SLC25A47: variants seen among roughly 807,000 people sequenced by gnomAD.
SLC25A47 encodes solute carrier family 25 member 47.
In SLC25A47, 30 loss-of-function variants were observed where a neutral mutation model predicts 29.8. That is an observed-to-expected ratio of 1.01 (90% confidence interval 0.75 to 1.36). SLC25A47 has a LOEUF of 1.36. SLC25A47 is among the 40% of genes most tolerant of loss of function. The probability of loss-of-function intolerance (pLI) is 0.00; values close to 1 mark genes in which losing one functional copy is unlikely to be tolerated. For synonymous variants in SLC25A47, 204 were observed against 197.8 expected (o/e 1.03, Z -0.26); for missense variants, 430 against 441.9 (o/e 0.97, Z 0.24).
rs536241260 is a variant in SLC25A47, at chr14:100,326,009, T to C, written c.73-148T>C. 8.6e-5 allele frequency: 83 copies of C among 959,796 alleles called. No homozygotes were observed. The African/African-American group carries it at 1.2e-3, about 13-fold the overall frequency. 59.5% of individuals were successfully genotyped at this position (959,796 alleles called of 1,614,324 possible). On this transcript the variant is annotated intron_variant, in intron 2 of 5. Transcript: ENST00000361529. Reference sequence around the variant, plus strand: ...TTCTCACCCCTGTGCCCCAGGTTTCTCGTCTAACACAAGGCTCCCTGTCCC... The same window carrying C: ...TTCTCACCCCTGTGCCCCAGGTTTCCCGTCTAACACAAGGCTCCCTGTCCC...
intron 3 of SLC25A47, among the ~76,000 whole-genome samples, chr14:100,326,634 C>T (rs888936195): frequency 1.3e-5 from 2 of 152,170 alleles, no homozygotes; most frequent in Admixed American, 1.3e-4. Flanking sequence ...TGGTGCAGGC[C>T]AGGGGCTAGT....
chr14:100,325,215 C>T (rs182782835), intron 1 of SLC25A47, among the ~76,000 whole-genome samples: 37 of 152,332 alleles, frequency 2.4e-4, no homozygotes, highest in Admixed American at 5.2e-4. Flanking sequence ...TGTGGACTCC[C>T]GGCCCTCTCT....
rs891826078 is a variant in SLC25A47, at chr14:100,330,273, T to A, written c.*628T>A. 1 of 154,334 alleles carries A rather than the reference T, an allele frequency of 6.5e-6. No homozygotes were observed. Among genetic ancestry groups the A allele is most frequent in the Non-Finnish European group, 1.4e-5 (1 of 69,504 alleles). 9.6% of individuals were successfully genotyped at this position (154,334 alleles called of 1,614,324 possible). On this transcript the variant is annotated 3_prime_UTR_variant, in exon 6 of 6. Transcript: ENST00000361529. ...GCCGGTTAGGGAATTTGGGGTGAGG[T>A]TCCTCAGGAGCCCTCACTCTGCCTG...
At chr14:100,324,094 T>C (rs752806852) in intron 1 of SLC25A47, among the ~76,000 whole-genome samples, 11 of 152,110 alleles carry the variant, frequency 7.2e-5, no homozygotes, top group Non-Finnish European at 1.3e-4. Flanking sequence ...GAGTGGGCAC[T>C]CCTGCCCTTG....
rs549725146 is a variant in SLC25A47, at chr14:100,327,373, G to A, written c.327+3G>A. On this transcript the variant is annotated splice_donor_region_variant and intron_variant, in intron 4 of 5. Transcript: ENST00000361529. ...GATGCGCCTCCGGCCTCGTCCGCGT[G>A]AGTAGGGGCAGCCAGGGTGGGGAAG... 1.6e-5 allele frequency: 26 copies of A among 1,587,920 alleles called. 1 individual carries two copies. The South Asian group carries it at 2.8e-4, about 17-fold the overall frequency.
At chr14:100,326,952 CA>C (rs1009479655) in intron 3 of SLC25A47, among the ~76,000 whole-genome samples, 35 of 144,694 alleles carry the variant, frequency 2.4e-4, no homozygotes, top group South Asian at 6.5e-4. Flanking sequence ...CCAGCCTGGG[CA>C]AAAAAAAAAA....
intron 1 of SLC25A47, among the ~76,000 whole-genome samples, chr14:100,324,123 G>A (rs58135951): frequency 0.11 from 16,402 of 152,174 alleles, 2,589 homozygotes; most frequent in African/African-American, 0.35. Context: ...GTGAAACATC[G>A]GTGGGTGGCG....
chr14:100,329,496 CACTGTATGGTG>C lies in SLC25A47; in HGVS notation c.781_791del (p.Cys261GlnfsTer33). On this transcript the variant is annotated frameshift_variant, in exon 6 of 6. Coordinates refer to ENST00000361529, the MANE Select transcript of SLC25A47 (RefSeq NM_207117.4). LOFTEE classifies it high-confidence loss of function. ...CCAGAGGCGCTACCGGGGTCTCCTG[CACTGTATGGTG>C]ACCAGCGTTCGAGAGGAGGGACCCC... 1.2e-6 allele frequency: 2 copies of C among 1,613,430 alleles called. No individual in the cohort carries two copies. The highest frequency in any genetic ancestry group is 1.7e-6 in the Non-Finnish European group (2 of 1,179,986).
intron 1 of SLC25A47, among the ~76,000 whole-genome samples, chr14:100,324,285 C>T (rs1310889196): frequency 4.6e-5 from 7 of 152,012 alleles, no homozygotes; most frequent in East Asian, 3.9e-4. Flanking sequence ...AATGCACTGG[C>T]GTGATCTTGG....
At position 100,328,751 on chromosome 14, in the gene SLC25A47, T is replaced by G; in HGVS notation, c.353T>G (p.Val118Gly). Reference sequence around the variant, plus strand: ...GTGTTCCTGACGTCGCCCACTGAGGTGGCCAAAGTCCGCTTGCAGACGCAG... The same window carrying G: ...GTGTTCCTGACGTCGCCCACTGAGGGGGCCAAAGTCCGCTTGCAGACGCAG... ...VRVFLTSPTE[V>G]AKVRLQTQTQ... The change falls in exon 5 of 6, where the codon GTG becomes GGG. Residue 118 changes from valine to glycine, a missense_variant. Transcript: ENST00000361529. 3 of 1,612,994 alleles carry G rather than the reference T, an allele frequency of 1.9e-6. No individual in the cohort carries two copies. The highest frequency in any genetic ancestry group is 2.5e-6 in the Non-Finnish European group (3 of 1,179,936).
chr14:100,324,629 G>T lies in SLC25A47; in HGVS notation c.29-1159G>T, dbSNP rs76743211. On this transcript the variant is annotated intron_variant, in intron 1 of 5. Coordinates refer to ENST00000361529, the MANE Select transcript of SLC25A47 (RefSeq NM_207117.4). ...TTGCCTGACATCACACAGCTGGAAA[G>T]GGCTCCTGAGTCTGGCATCTTTCCT... Among the ~76,000 whole-genome samples, 841 of 152,306 alleles carry T rather than the reference G, an allele frequency of 5.5e-3. 9 individuals carry two copies. Among genetic ancestry groups the T allele is most frequent in the African/African-American group, 0.019 (798 of 41,552 alleles).
intron 2 of SLC25A47, 62 bp from the exon 3 acceptor site, chr14:100,326,095 G>A: frequency 7.1e-7 from 1 of 1,415,442 alleles, no homozygotes; most frequent in Non-Finnish European, 9.9e-7. Flanking sequence ...CCCTTCCCCA[G>A]GGCCTGCTGG....
chr14:100,327,130 C>T (rs1893353291), intron 3 of SLC25A47, 58 bp from the exon 4 acceptor site: 1 of 1,519,690 alleles, frequency 6.6e-7, no homozygotes, highest in Non-Finnish European at 8.9e-7. Context: ...GTGTGGGCTC[C>T]CTCGGGTGGC....
At chr14:100,325,718 T>C (rs536374070) in intron 1 of SLC25A47, 70 bp from the exon 2 acceptor site, 2 of 1,525,906 alleles carry the variant, frequency 1.3e-6, no homozygotes, top group East Asian at 4.6e-5. Flanking sequence ...CTGCTTCTGC[T>C]TCCCTGCAAT....
rs750714745 is a variant in SLC25A47 at position 100,326,224 on chromosome 14, A to G, written c.140A>G (p.Glu47Gly). 1 of 1,613,472 alleles carries G rather than the reference A, an allele frequency of 6.2e-7. No individual in the cohort carries two copies. The highest frequency in any genetic ancestry group is 1.7e-5 in the Admixed American group (1 of 59,966). ...TGCGTCCGGGATACGTATCACCGAG[A>G]GCGCGTAGGTCTGGGGCCAGGGGCT... ...WHCVRDTYHRERVWGFYRGLS... is the reference protein window; with the variant it reads ...WHCVRDTYHRGRVWGFYRGLS... The change falls in exon 3 of 6, where the codon GAG becomes GGG. Residue 47 changes from glutamate to glycine, a missense_variant. Coordinates refer to ENST00000361529, the MANE Select transcript of SLC25A47 (RefSeq NM_207117.4).
intron 3 of SLC25A47, 71 bp from the exon 4 acceptor site, chr14:100,327,117 T>TGAGTGTG: frequency 6.9e-7 from 1 of 1,456,178 alleles, no homozygotes; most frequent in Non-Finnish European, 9.3e-7. Flanking sequence ...GGAGCAGGGC[T>TGAGTGTG]GAGTGTGGGC....
At chr14:100,328,625 C>T (rs1365576594) in intron 4 of SLC25A47, 101 bp from the exon 5 acceptor site, 1 of 1,300,754 alleles carries the variant, frequency 7.7e-7, no homozygotes, top group Non-Finnish European at 1.1e-6. Context: ...GGGGCCCAAC[C>T]TCCTGAGGTC....
chr14:100,324,294 G>C (rs921771470), intron 1 of SLC25A47, among the ~76,000 whole-genome samples: 3 of 151,960 alleles, frequency 2.0e-5, no homozygotes, highest in Non-Finnish European at 2.9e-5. Flanking sequence ...GCGTGATCTT[G>C]GCTCACTGCA....
At chr14:100,327,772 G>A (rs1893368256) in intron 4 of SLC25A47, among the ~76,000 whole-genome samples, 2 of 152,244 alleles carry the variant, frequency 1.3e-5, no homozygotes, top group African/African-American at 2.4e-5. Flanking sequence ...ATCCTCAACT[G>A]TGCATGGAGC....
Sources: allele counts gnomAD v4.1 joint callset (sites outside exome capture counted in the v4.1 genomes callset), GRCh38; gene constraint gnomAD v4.1.1; transcripts MANE v1.5; gene names NCBI Gene and HGNC (gene_info 2026-07-23, HGNC 2026-07-21).